Variants in FBF1 observed in about 807,000 individuals in gnomAD.
The protein encoded by FBF1 is Fas binding factor 1.
A neutral mutation model predicts 147.2 loss-of-function variants in FBF1; 119 were observed. The ratio of observed to expected loss-of-function variants is 0.81; its 90% confidence interval spans 0.70 to 0.94. The LOEUF (loss-of-function observed/expected upper bound fraction) is 0.94, where lower values mean the gene tolerates loss of function less well. FBF1 is among the 40% of genes least tolerant of loss of function. The pLI, the probability that FBF1 is intolerant of heterozygous loss-of-function variation, is 0.00. For missense variants in FBF1, 1,449 were observed against 1,500.8 expected (o/e 0.97, Z 0.57); for synonymous variants, 601 against 609.0 (o/e 0.99, Z 0.19).
intron 5 of FBF1, 72 bp downstream of exon 5, chr17:75,932,923 G>T: frequency 9.5e-6 from 9 of 947,282 alleles, no homozygotes; most frequent in Admixed American, 2.7e-5. Context: ...GAAGTAGAAA[G>T]TGGGGGGTGG....
chr17:75,921,654 G>A, intron 15 of FBF1, 94 bp from the exon 16 acceptor site: 1 of 824,192 alleles, frequency 1.2e-6, no homozygotes, highest in Non-Finnish European at 1.9e-6. Flanking sequence ...CATGGGGACG[G>A]GGCAGGGTGG....
At chr17:75,930,070 G>A (rs1444277810) in intron 6 of FBF1, 23 bp from the exon 7 acceptor site, 2 of 1,547,442 alleles carry the variant, frequency 1.3e-6, no homozygotes, top group East Asian at 2.4e-5. Context: ...TGAGGGTGAG[G>A]ACACAGATGA....
At chr17:75,935,511 G>A (rs1411416862) in intron 4 of FBF1, 121 bp downstream of exon 4, 3 of 1,008,872 alleles carry the variant, frequency 3.0e-6, no homozygotes, top group Non-Finnish European at 4.3e-6. Context: ...CCAGCACTTT[G>A]GTTTAGGAGG....
chr17:75,930,630 A>G (rs1201730360), intron 6 of FBF1, among the ~76,000 whole-genome samples: 1 of 152,050 alleles, frequency 6.6e-6, no homozygotes, highest in Non-Finnish European at 1.5e-5. Context: ...AAAATACAAA[A>G]ATTATTTTCT....
Position 75,921,182 on chromosome 17 carries a change from C to A in FBF1, c.1674+62G>T, listed in dbSNP as rs1466734113. ...TCGTCAGGTCAAACTGTGGGTATTG[C>A]CCCTGGGCATGGAGAATTGCTCCCT... On this transcript the variant is annotated intron_variant, in intron 17 of 29. Transcript: ENST00000636174. The A allele has an allele frequency of 3.3e-6, 5 of 1,508,304 alleles. No homozygotes were observed. In the African/African-American group the frequency reaches 6.9e-5, roughly 21 times the overall value. The allele number at this position is 1,508,304 out of a possible 1,614,324, so 93.4% of individuals were successfully genotyped here.
chr17:75,917,974 C>T lies in FBF1; in HGVS notation c.2343G>A (p.Gln781=). 1.2e-6 allele frequency: 2 copies of T among 1,609,886 alleles called. No individual in the cohort carries two copies. Among genetic ancestry groups the T allele is most frequent in the Non-Finnish European group, 1.7e-6 (2 of 1,177,486 alleles). ...RVEASHLTTS[Q]ERELGIRQRD... ...GCTGCCGGATCCCCAGCTCCCGCTC[C>T]TGGGAGGTGGTGAGGTGCGAGGCCT... The change falls in exon 22 of 30, where the codon CAG becomes CAA. Residue 781 remains glutamine (Q), a synonymous_variant. Transcript: ENST00000636174.
chr17:75,928,540 C>T lies in FBF1; in HGVS notation c.280-347G>A, dbSNP rs747844179. 2.6e-5 allele frequency among the ~76,000 whole-genome samples: 4 copies of T among 152,130 alleles called. No homozygotes were observed. The highest frequency in any genetic ancestry group is 4.4e-5 in the Non-Finnish European group (3 of 68,008). On this transcript the variant is annotated intron_variant, in intron 7 of 29. Transcript: ENST00000636174. The surrounding 1 kb of genome is among the most constrained non-coding windows in gnomAD (Gnocchi z 4.2). ...TTTTAGACAGGATATTGGCCGGGCG[C>T]GGTGGCTCATGCCTAGAATCCCAGC...
rs184041390 is a variant in FBF1 at position 75,912,525 on chromosome 17, G to A, written c.3248-218C>T. 3.7e-3 allele frequency among the ~76,000 whole-genome samples: 557 copies of A among 152,300 alleles called. 5 individuals carry two copies. The highest frequency in any genetic ancestry group is 0.013 in the African/African-American group (540 of 41,564). On this transcript the variant is annotated intron_variant, in intron 28 of 29. Coordinates refer to ENST00000636174, the MANE Select transcript of FBF1 (RefSeq NM_001319193.2). Reference sequence around the variant, plus strand: ...GAATTTATTCCAGTGAAATAATCAGGCAAAGGTACAAACACATATGTAGGA... The same window carrying A: ...GAATTTATTCCAGTGAAATAATCAGACAAAGGTACAAACACATATGTAGGA...
In FBF1 at chr17:75,921,226, G is replaced by A. The variant is rs997122134; in HGVS notation, c.1674+18C>T. On this transcript the variant is annotated intron_variant, in intron 17 of 29. Transcript: ENST00000636174. ...GCTCCCTAGGCCCTGAGCTAGACCT[G>A]TCTGCCCACACCCCTACCTGGACGG... is the stretch of plus-strand genomic sequence containing the variant. 1 of 1,573,962 alleles carries A rather than the reference G, an allele frequency of 6.4e-7. No homozygotes were observed. Among genetic ancestry groups the A allele is most frequent in the Non-Finnish European group, 8.6e-7 (1 of 1,159,368 alleles).
At position 75,919,675 on chromosome 17, in the gene FBF1, G is replaced by C. The variant is rs555421889; in HGVS notation, c.2131C>G (p.Leu711Val). The change falls in exon 20 of 30, where the codon CTG (leucine) becomes GTG (valine). Residue 711 changes from leucine (L) to valine (V), a missense_variant. Leu to Val is a conservative substitution (Grantham distance 32). Coordinates refer to ENST00000636174, the MANE Select transcript of FBF1 (RefSeq NM_001319193.2). The surrounding 1 kb of genome is among the most constrained non-coding windows in gnomAD (Gnocchi z 5.0). Reference sequence around the variant, plus strand: ...CCTGTCCCTGGGCCTCACCGCTGCAGCTCCCGGAGCCGCTCCATTTCCTGG... The same window carrying C: ...CCTGTCCCTGGGCCTCACCGCTGCACCTCCCGGAGCCGCTCCATTTCCTGG... ...KDQEMERLRE[L>V]QRASILDMRR... 2 of 1,600,838 alleles carry C rather than the reference G, an allele frequency of 1.2e-6. No individual in the cohort carries two copies. Among genetic ancestry groups the C allele is most frequent in the Non-Finnish European group, 1.7e-6 (2 of 1,175,186 alleles).
At chr17:75,930,259 C>CA in intron 6 of FBF1, 1 of 585,470 alleles carries the variant, frequency 1.7e-6, no homozygotes, top group Non-Finnish European at 3.1e-6. Context: ...TTTAGAGACT[C>CA]AGAGAGCACT....
intron 29 of FBF1, among the ~76,000 whole-genome samples, chr17:75,911,819 T>C (rs1371099116): frequency 2.6e-5 from 4 of 152,154 alleles, no homozygotes; most frequent in Admixed American, 2.6e-4. Flanking sequence ...CCTCTTTTTT[T>C]AGTTTTTCAT....
rs1167264129 is a variant in FBF1, at chr17:75,919,544, G to C, written c.2138+124C>G. On this transcript the variant is annotated intron_variant, in intron 20 of 29. Transcript: ENST00000636174. The surrounding 1 kb of genome is among the most constrained non-coding windows in gnomAD (Gnocchi z 5.0). ...GCCCTCAGTCCTCACTCACTGGACT[G>C]GGAGGGAAGGACCCAACCCCTGTCC... 6 of 1,086,584 alleles carry C rather than the reference G, an allele frequency of 5.5e-6. No individual in the cohort carries two copies. Among genetic ancestry groups the C allele is most frequent in the Non-Finnish European group, 6.6e-6 (5 of 760,042 alleles). The allele number at this position is 1,086,584 out of a possible 1,614,324, so 67.3% of individuals were successfully genotyped here.
rs1055349563 is a variant in FBF1, at chr17:75,921,355, C to T, written c.1616-53G>A. ...CAGGAGGCCCAGGGCACTGGGCCTG[C>T]GAGTGTCCAGGAGGGGCTGGTGTAA... On this transcript the variant is annotated intron_variant, in intron 16 of 29. Coordinates refer to ENST00000636174, the MANE Select transcript of FBF1 (RefSeq NM_001319193.2). The T allele has an allele frequency of 1.2e-4, 185 of 1,560,678 alleles. 1 individual carries two copies. The highest frequency in any genetic ancestry group is 2.3e-4 in the South Asian group (20 of 85,350).
intron 9 of FBF1, 44 bp from the exon 10 acceptor site, chr17:75,926,921 T>A: frequency 6.3e-7 from 1 of 1,581,022 alleles, no homozygotes; most frequent in Non-Finnish European, 8.6e-7. Context: ...CAGCACTTAG[T>A]TGAGGAAAAG....
rs1239035583 is a variant in FBF1 at position 75,925,339 on chromosome 17, C to T, written c.968+8G>A. On this transcript the variant is annotated splice_region_variant and intron_variant, in intron 13 of 29. Coordinates refer to ENST00000636174, the MANE Select transcript of FBF1 (RefSeq NM_001319193.2). This position sits in a 1 kb window ranked among gnomAD's most constrained non-coding sequence, Gnocchi z 5.0. ...CAAGAGGCCAAGCCTCCTGCAGGCC[C>T]CACTTACCTGACAGACTGCCGGCGG... 1 of 1,610,708 alleles carries T rather than the reference C, an allele frequency of 6.2e-7. No homozygotes were observed. Among genetic ancestry groups the T allele is most frequent in the Non-Finnish European group, 8.5e-7 (1 of 1,178,350 alleles).
At chr17:75,912,609 C>A (rs1453340404) in intron 28 of FBF1, among the ~76,000 whole-genome samples, 1 of 152,234 alleles carries the variant, frequency 6.6e-6, no homozygotes, top group African/African-American at 2.4e-5. Context: ...ACAGAGCAGC[C>A]TCACAGTGGA....
At chr17:75,938,262 A>C (rs952308068) in intron 1 of FBF1, 30 bp from the exon 2 acceptor site, 12 of 1,503,888 alleles carry the variant, frequency 8.0e-6, no homozygotes, top group Non-Finnish European at 1.1e-5. Flanking sequence ...TGGTTGCTTA[A>C]AAATGATGTA....
chr17:75,920,568 G>A (rs749478436), intron 17 of FBF1, 139 bp from the exon 18 acceptor site: 136 of 905,066 alleles, frequency 1.5e-4, no homozygotes, highest in Non-Finnish European at 2.1e-4. Context: ...GCCTTGGAAA[G>A]TAACAGTCAC....
Sources: gnomAD v4.1 joint callset for allele counts (sites outside exome capture counted in the v4.1 genomes callset) on GRCh38, gnomAD v4.1.1 for gene constraint, Gnocchi (gnomAD v3.1) non-coding constraint, MANE v1.5 for transcripts, NCBI Gene and HGNC (gene_info 2026-07-23, HGNC 2026-07-21) for gene names.